C1orf52: variants seen among roughly 807,000 people sequenced by gnomAD.
The protein encoded by C1orf52 is chromosome 1 open reading frame 52.
In C1orf52, 5 loss-of-function variants were observed where a neutral mutation model predicts 17.2. That is an observed-to-expected ratio of 0.29 (90% CI 0.15 to 0.61). The LOEUF (loss-of-function observed/expected upper bound fraction) is 0.61. Among genes scored for constraint, C1orf52 ranks in the 20% least tolerant of loss-of-function variants. The pLI, the probability that C1orf52 is intolerant of heterozygous loss-of-function variation, is 0.85. For synonymous variants in C1orf52, 110 were observed against 88.0 expected, an observed-to-expected ratio of 1.25 and a Z score of -1.40; for missense variants, 245 against 234.1, an observed-to-expected ratio of 1.05 and a Z score of -0.30.
intron 2 of C1orf52, among the ~76,000 whole-genome samples, chr1:85,256,599 ACCATCCT>A (rs1557779234): frequency 5.3e-5 from 8 of 152,204 alleles, no homozygotes; most frequent in African/African-American, 1.9e-4. Context: ...GGAGATCCAG[ACCATCCT>A]GGCTAACACG....
rs1428012474 is a variant in C1orf52, at chr1:85,259,522, T to A, written c.112A>T (p.Thr38Ser). The change falls in exon 1 of 3, where the codon ACC becomes TCC. Residue 38 changes from threonine to serine, a missense_variant. Coordinates refer to ENST00000471115, the MANE Select transcript of C1orf52 (RefSeq NM_198077.4). ...CCCGCCGACTTCGCCGGATCCGGGG[T>A]TCTGCGACTCGTCTCCTCCGGCTCG... is the stretch of plus-strand genomic sequence containing the variant. ...NIEPEETSRR[T>S]PDPAKSAGGC... 6.2e-7 allele frequency: 1 copy of A among 1,613,754 alleles called. No individual in the cohort carries two copies. Among genetic ancestry groups the A allele is most frequent in the South Asian group, 1.1e-5 (1 of 91,060 alleles).
intron 2 of C1orf52, 31 bp downstream of exon 2, chr1:85,258,493 T>C (rs374755422): frequency 6.7e-5 from 105 of 1,576,400 alleles, no homozygotes; most frequent in Admixed American, 1.9e-4. Context: ...GGGATCAAAA[T>C]AGACCACCAT....
Position 85,259,627 on chromosome 1 carries a change from C to G in C1orf52, c.7G>C (p.Ala3Pro). The change falls in exon 1 of 3, where the codon GCG (alanine) becomes CCG (proline). Residue 3 changes from alanine to proline, a missense_variant. Ala to Pro is a conservative substitution (Grantham distance 27). Transcript: ENST00000471115. MA[A>P]EEKDPLSYFA... ...TAGCTCAGAGGGTCCTTCTCCTCCG[C>G]TGCCATGACGGCTGCGAGCGACAAC... 6.4e-7 allele frequency: 1 copy of G among 1,554,498 alleles called. No homozygotes were observed. Among genetic ancestry groups the G allele is most frequent in the Non-Finnish European group, 8.7e-7 (1 of 1,148,398 alleles).
Position 85,259,571 on chromosome 1 carries a change from G to A in C1orf52, c.63C>T (p.Gly21=), listed in dbSNP as rs1238388978. The A allele has an allele frequency of 1.2e-6, 2 of 1,610,032 alleles. No homozygotes were observed. Among genetic ancestry groups the A allele is most frequent in the African/African-American group, 2.7e-5 (2 of 74,852 alleles). The change falls in exon 1 of 3, where the codon GGC becomes GGT. Residue 21 remains glycine, a synonymous_variant. Coordinates refer to ENST00000471115, the MANE Select transcript of C1orf52 (RefSeq NM_198077.4). The part of the protein sequence containing the change: ...YFAAYGSSSS[G]SSDEEDNIEP... The stretch of plus-strand genomic sequence containing the variant: ...CGATGTTATCCTCCTCGTCCGAGGA[G>A]CCTGAGCTGCTGCTCCCGTATGCCG...
At chr1:85,258,393 T>G (rs189503254) in intron 2 of C1orf52, 131 bp downstream of exon 2, 1 of 879,088 alleles carries the variant, frequency 1.1e-6, no homozygotes, top group Non-Finnish European at 1.8e-6. Flanking sequence ...AGCAGAGCAG[T>G]AAGTATCCAA....
intron 2 of C1orf52, among the ~76,000 whole-genome samples, chr1:85,258,212 G>A (rs1188508302): frequency 6.6e-6 from 1 of 152,060 alleles, no homozygotes. Context: ...ACCATGAATT[G>A]ATTTGTGTTG....
At position 85,259,230 on chromosome 1, in the gene C1orf52, G is replaced by C. The variant is rs78452039; in HGVS notation, c.276+128C>G. On this transcript the variant is annotated intron_variant, in intron 1 of 2. Transcript: ENST00000471115. ...GGTTTCCCAGGGCTTGAGGTGGGAG[G>C]GGGTGGTGCGGCATCCCGCGGGGGT... 5.4e-3 allele frequency: 6,868 copies of C among 1,263,934 alleles called. 203 individuals are homozygous for C. The East Asian group carries it at 0.076, about 14-fold the overall frequency. 78.3% of individuals were successfully genotyped at this position (1,263,934 alleles called of 1,614,324 possible). A position where few individuals can be genotyped will look rare whatever the true frequency, so the allele number is the denominator to read the frequency against.
Position 85,258,680 on chromosome 1 carries a change from G to A in C1orf52, c.319C>T (p.Pro107Ser), listed in dbSNP as rs201271527. 5.0e-6 allele frequency: 8 copies of A among 1,607,148 alleles called. No individual in the cohort carries two copies. The South Asian group carries it at 7.7e-5, about 15-fold the overall frequency. Residue 107 changes from proline (P) to serine (S), a missense_variant, in exon 2 of 3, where the codon CCT becomes TCT. By Grantham distance (74) the Pro-to-Ser change is moderately conservative (BLOSUM62 -1). Coordinates refer to ENST00000471115, the MANE Select transcript of C1orf52 (RefSeq NM_198077.4). ...FKIWKSNYVPPPETYTTEKKP... is the reference protein window; with the variant it reads ...FKIWKSNYVPSPETYTTEKKP... Reference sequence around the variant, plus strand: ...TTCTCAGTGGTGTAGGTCTCAGGAGGTGGTACATAATTTGACTTCCATATT... The same window carrying A: ...TTCTCAGTGGTGTAGGTCTCAGGAGATGGTACATAATTTGACTTCCATATT...
chr1:85,259,015 G>A (rs1660020351), intron 1 of C1orf52: 3 of 1,334,100 alleles, frequency 2.2e-6, no homozygotes, highest in Admixed American at 3.3e-5. Flanking sequence ...CTTGGAGGCA[G>A]CACCGCAGGC....
intron 2 of C1orf52, among the ~76,000 whole-genome samples, chr1:85,253,906 G>C (rs1659861436): frequency 6.6e-6 from 1 of 152,106 alleles, no homozygotes; most frequent in African/African-American, 2.4e-5. Flanking sequence ...AATTTATTTT[G>C]AGCACATTAC....
In C1orf52 at chr1:85,259,639, C is replaced by T. The variant is rs1660044624; in HGVS notation, c.-6G>A. The T allele has an allele frequency of 3.2e-6, 5 of 1,538,780 alleles. No individual in the cohort carries two copies. Among genetic ancestry groups the T allele is most frequent in the Middle Eastern group, 1.9e-4 (1 of 5,148 alleles). ...TCCTTCTCCTCCGCTGCCATGACGG[C>T]TGCGAGCGACAACCCAGCACTCCGC... On this transcript the variant is annotated 5_prime_UTR_variant, in exon 1 of 3. Coordinates refer to ENST00000471115, the MANE Select transcript of C1orf52 (RefSeq NM_198077.4).
intron 2 of C1orf52, among the ~76,000 whole-genome samples, chr1:85,256,527 C>T (rs141147868): frequency 0.011 from 1,655 of 152,156 alleles, 27 homozygotes; most frequent in African/African-American, 0.038. Context: ...TGGCCGGGCA[C>T]GGTGGCTCAC....
rs533587506 is a variant in C1orf52, at chr1:85,255,594, A to G, written c.476-2892T>C. Among the ~76,000 whole-genome samples the G allele has an allele frequency of 3.9e-4, 59 of 152,176 alleles. No homozygotes were observed. The Middle Eastern group carries it at 0.024, about 61-fold the overall frequency. On this transcript the variant is annotated intron_variant, in intron 2 of 2. Transcript: ENST00000471115. ...AAGGGCTGATAAGCAGCAAGACCCAATGATGAGTTCTGAACCTTTCCCAGC... is the reference window on the plus strand; with the variant it reads ...AAGGGCTGATAAGCAGCAAGACCCAGTGATGAGTTCTGAACCTTTCCCAGC...
At chr1:85,253,456 T>C (rs968680389) in intron 2 of C1orf52, among the ~76,000 whole-genome samples, 1 of 152,060 alleles carries the variant, frequency 6.6e-6, no homozygotes, top group African/African-American at 2.4e-5. Context: ...CACAAGTAGG[T>C]TTCCCCAAAC....
chr1:85,257,478 A>T lies in C1orf52; in HGVS notation c.475+1046T>A, dbSNP rs934005420. On this transcript the variant is annotated intron_variant, in intron 2 of 2. Coordinates refer to ENST00000471115, the MANE Select transcript of C1orf52 (RefSeq NM_198077.4). The stretch of plus-strand genomic sequence containing the variant: ...ATTTCAAGATCTTCAAGTGCTAGAA[A>T]GGGGCCATTAAAAATGACTGTGGAC... The T allele has an allele frequency of 8.4e-6, 6 of 717,232 alleles. No individual in the cohort carries two copies. In the African/African-American group the frequency reaches 1.0e-4, roughly 13 times the overall value. 44.4% of individuals were successfully genotyped at this position (717,232 alleles called of 1,614,324 possible). A position where few individuals can be genotyped will look rare whatever the true frequency, so the allele number is the denominator to read the frequency against.
Position 85,259,645 on chromosome 1 carries a change from G to A in C1orf52, c.-12C>T. ...TCCTCCGCTGCCATGACGGCTGCGA[G>A]CGACAACCCAGCACTCCGCCGGAAG... On this transcript the variant is annotated 5_prime_UTR_variant, in exon 1 of 3. Coordinates refer to ENST00000471115, the MANE Select transcript of C1orf52 (RefSeq NM_198077.4). 1 of 1,532,960 alleles carries A rather than the reference G, an allele frequency of 6.5e-7. No individual in the cohort carries two copies. Among genetic ancestry groups the A allele is most frequent in the Non-Finnish European group, 8.8e-7 (1 of 1,137,266 alleles). 95.0% of individuals were successfully genotyped at this position (1,532,960 alleles called of 1,614,324 possible).
intron 2 of C1orf52, among the ~76,000 whole-genome samples, chr1:85,254,825 G>A (rs986359363): frequency 2.0e-5 from 3 of 152,210 alleles, no homozygotes; most frequent in African/African-American, 7.2e-5. Flanking sequence ...ATGATACTGA[G>A]ATATTTTTGC....
chr1:85,252,916 C>T (rs796280711), intron 2 of C1orf52, among the ~76,000 whole-genome samples: 3 of 152,148 alleles, frequency 2.0e-5, no homozygotes, highest in African/African-American at 4.8e-5. Flanking sequence ...TGCAGCCATA[C>T]AAAATTCACA....
chr1:85,258,575 T>C lies in C1orf52; in HGVS notation c.424A>G (p.Asn142Asp), dbSNP rs1200635515. The C allele has an allele frequency of 1.2e-6, 2 of 1,614,124 alleles. No individual in the cohort carries two copies. The highest frequency in any genetic ancestry group is 1.7e-6 in the Non-Finnish European group (2 of 1,180,052). Residue 142 changes from asparagine to aspartate, a missense_variant, in exon 2 of 3, where the codon AAT becomes GAT. By Grantham distance (23) the Asn-to-Asp change is conservative (BLOSUM62 1). Transcript: ENST00000471115. The part of the protein sequence containing the change: ...YEDNGDDAPQ[N>D]AKKARLLPEG... ...GGTAGAAGCCTAGCTTTCTTAGCAT[T>C]CTGTGGAGCATCATCACCATTGTCC...
Sources: gnomAD v4.1 joint callset for allele counts (sites outside exome capture counted in the v4.1 genomes callset) on GRCh38, gnomAD v4.1.1 for gene constraint, MANE v1.5 for transcripts, NCBI Gene and HGNC (gene_info 2026-07-23, HGNC 2026-07-21) for gene names.